Variants in HMCN1 observed in about 807,000 individuals in gnomAD.
The protein encoded by HMCN1 is hemicentin 1.
A neutral mutation model predicts 625.9 loss-of-function variants in HMCN1; 321 were observed. The observed-to-expected ratio is 0.51, with a 90% CI of 0.47 to 0.56. The LOEUF (loss-of-function observed/expected upper bound fraction) is 0.56, where lower values mean the gene tolerates loss of function less well. Among genes scored for constraint, HMCN1 ranks in the 20% least tolerant of loss-of-function variants. The pLI is 0.00. For missense variants in HMCN1, 6,588 were observed against 6,887.3 expected (o/e 0.96, Z 1.54); for synonymous variants, 2,425 against 2,417.6 (o/e 1.00, Z -0.09).
At chr1:185,855,049 C>G (rs1662382964) in intron 2 of HMCN1, among the ~76,000 whole-genome samples, 1 of 152,124 alleles carries the variant, frequency 6.6e-6, no homozygotes, top group Admixed American at 6.5e-5. Context: ...AGAGAAGGAT[C>G]ATAAGAGAGG....
intron 1 of HMCN1, among the ~76,000 whole-genome samples, chr1:185,783,724 A>G (rs888662765): frequency 7.9e-5 from 12 of 152,150 alleles, no homozygotes; most frequent in African/African-American, 2.9e-4. Flanking sequence ...TCAGAGGGGT[A>G]CCCGGCCATG....
intron 2 of HMCN1, among the ~76,000 whole-genome samples, chr1:185,863,896 A>G (rs1482254048): frequency 6.6e-6 from 1 of 152,196 alleles, no homozygotes; most frequent in East Asian, 1.9e-4. Context: ...TTGAAGGAGT[A>G]TGGAGACATG....
rs1224796749 is a variant in HMCN1 at position 185,997,538 on chromosome 1, A to G, written c.3874+14A>G. On this transcript the variant is annotated intron_variant, in intron 25 of 106. Transcript: ENST00000271588. ...GTCCTGCAAAAGGTACGTAATACTG[A>G]AAGATATAGGCATTGGCATAATGTT... The G allele has an allele frequency of 6.5e-7, 1 of 1,532,708 alleles. No individual in the cohort carries two copies. The highest frequency in any genetic ancestry group is 9.0e-7 in the Non-Finnish European group (1 of 1,106,530). The allele number at this position is 1,532,708 out of a possible 1,614,324, so 94.9% of individuals were successfully genotyped here.
intron 1 of HMCN1, among the ~76,000 whole-genome samples, chr1:185,843,964 A>G (rs1661649734): frequency 6.6e-6 from 1 of 152,138 alleles, no homozygotes; most frequent in South Asian, 2.1e-4. Context: ...TTTTATTACT[A>G]TAGGGAATGT....
chr1:186,070,494 A>G (rs1240681512), intron 51 of HMCN1, 118 bp from the exon 52 acceptor site: 12 of 866,256 alleles, frequency 1.4e-5, no homozygotes, highest in East Asian at 2.4e-5. Context: ...AAAGGTCAGC[A>G]TAGAATGCCT....
intron 14 of HMCN1, among the ~76,000 whole-genome samples, chr1:185,966,120 C>G (rs1022333368): frequency 2.0e-5 from 3 of 152,040 alleles, no homozygotes; most frequent in Non-Finnish European, 4.4e-5. Context: ...CTGTAAAAAT[C>G]AAAGCAGGAA....
At chr1:185,896,566 C>T (rs537948847) in intron 4 of HMCN1, among the ~76,000 whole-genome samples, 93 of 152,046 alleles carry the variant, frequency 6.1e-4, no homozygotes, top group African/African-American at 2.1e-3. Flanking sequence ...CATTTTAATA[C>T]AAAATTTGAA....
intron 1 of HMCN1, among the ~76,000 whole-genome samples, chr1:185,801,852 A>G (rs560240031): frequency 1.3e-5 from 2 of 152,326 alleles, no homozygotes; most frequent in South Asian, 2.1e-4. Flanking sequence ...ATTGTTGTCC[A>G]TGCTTAGGAG....
intron 102 of HMCN1, 80 bp downstream of exon 102, chr1:186,172,211 A>C: frequency 6.4e-7 from 1 of 1,555,496 alleles, no homozygotes; most frequent in East Asian, 2.3e-5. Context: ...AAAAGAAGTG[A>C]TTAGAGTAAA....
At position 186,032,691 on chromosome 1, in the gene HMCN1, G is replaced by A. The variant is rs1049286554; in HGVS notation, c.5750-5243G>A. 4.0e-5 allele frequency among the ~76,000 whole-genome samples: 6 copies of A among 151,846 alleles called. No individual in the cohort carries two copies. The South Asian group carries it at 1.0e-3, about 26-fold the overall frequency. The stretch of plus-strand genomic sequence containing the variant: ...TCCTTTATAAATTACCCAGTCTTGG[G>A]TATGTCTTTATTAGCAGCATGAGAA... On this transcript the variant is annotated intron_variant, in intron 36 of 106. Coordinates refer to ENST00000271588, the MANE Select transcript of HMCN1 (RefSeq NM_031935.3).
chr1:186,136,427 A>T (rs530849879), intron 86 of HMCN1, among the ~76,000 whole-genome samples: 84 of 152,088 alleles, frequency 5.5e-4, no homozygotes, highest in Non-Finnish European at 1.1e-3. Flanking sequence ...AGGAAACATG[A>T]CTCTAGAGCC....
Position 185,825,480 on chromosome 1 carries a change from T to C in HMCN1, c.269-20546T>C, listed in dbSNP as rs1571407670. Among the ~76,000 whole-genome samples, 5 of 152,266 alleles carry C rather than the reference T, an allele frequency of 3.3e-5. No homozygotes were observed. In the East Asian group the frequency reaches 9.6e-4, roughly 29 times the overall value. ...CTATTTGTAAATGTGTCTGAAATAT[T>C]GTGTGTCTGGAGTTTTCATAAATGT... On this transcript the variant is annotated intron_variant, in intron 1 of 106. Coordinates refer to ENST00000271588, the MANE Select transcript of HMCN1 (RefSeq NM_031935.3).
chr1:185,865,733 A>C lies in HMCN1; in HGVS notation c.499-8A>C. On this transcript the variant is annotated splice_polypyrimidine_tract_variant and splice_region_variant and intron_variant, in intron 3 of 106. Coordinates refer to ENST00000271588, the MANE Select transcript of HMCN1 (RefSeq NM_031935.3). ...TTACACTGTTTCTTTTTTTTTTTTT[A>C]ATCATAGGTCGTATTTGTTCTGACT... 1 of 1,562,854 alleles carries C rather than the reference A, an allele frequency of 6.4e-7. No homozygotes were observed. The highest frequency in any genetic ancestry group is 1.1e-5 in the South Asian group (1 of 87,588).
At chr1:185,931,743 A>T (rs572886088) in intron 10 of HMCN1, among the ~76,000 whole-genome samples, 1 of 152,296 alleles carries the variant, frequency 6.6e-6, no homozygotes, top group South Asian at 2.1e-4. Flanking sequence ...TTCTTCCTTC[A>T]TTAAGAAGTA....
chr1:186,078,012 G>T, intron 54 of HMCN1, 95 bp from the exon 55 acceptor site: 1 of 850,488 alleles, frequency 1.2e-6, no homozygotes, highest in Non-Finnish European at 2.0e-6. Flanking sequence ...GAAAGAAAAT[G>T]TAAGGCAGTC....
Position 185,909,355 on chromosome 1 carries a change from G to A in HMCN1, c.640G>A (p.Glu214Lys). ...QVNEVLKWVEEAVQASKVHLL... is the reference protein window; with the variant it reads ...QVNEVLKWVEKAVQASKVHLL... The stretch of plus-strand genomic sequence containing the variant: ...CTTATAGGTATTAAAATGGGTAGAA[G>A]AAGCAGTACAGGCCTCCAAAGTTCA... The change falls in exon 5 of 107, where the codon GAA (glutamate) becomes AAA (lysine). Residue 214 changes from glutamate (E) to lysine (K), a missense_variant. By Grantham distance (56) the Glu-to-Lys change is moderately conservative. This residue lies in a region of HMCN1 where 4,628 missense variants were observed against 4,853.1 expected (regional missense o/e 0.95). Transcript: ENST00000271588. 3 of 1,612,266 alleles carry A rather than the reference G, an allele frequency of 1.9e-6. No homozygotes were observed. Among genetic ancestry groups the A allele is most frequent in the Non-Finnish European group, 2.5e-6 (3 of 1,178,494 alleles).
chr1:186,158,793 A>C (rs932122726), intron 97 of HMCN1, among the ~76,000 whole-genome samples: 1 of 152,020 alleles, frequency 6.6e-6, no homozygotes, highest in Non-Finnish European at 1.5e-5. Context: ...CCATTGATCT[A>C]TATCTCTGTT....
intron 30 of HMCN1, among the ~76,000 whole-genome samples, chr1:186,013,081 CA>C (rs34601745): frequency 0.39 from 59,608 of 151,746 alleles, 12,680 homozygotes; most frequent in Non-Finnish European, 0.48. Flanking sequence ...ACTATGCCAC[CA>C]AAATTTACAG....
At chr1:186,149,641 G>A (rs1650550549) in intron 93 of HMCN1, among the ~76,000 whole-genome samples, 1 of 152,084 alleles carries the variant, frequency 6.6e-6, no homozygotes, top group Non-Finnish European at 1.5e-5. Flanking sequence ...CTAACTCTTT[G>A]ATGCAAGAGG....
Sources: allele counts gnomAD v4.1 joint callset (sites outside exome capture counted in the v4.1 genomes callset), GRCh38; gene constraint gnomAD v4.1.1; regional missense constraint gnomAD v4.1.1; transcripts MANE v1.5; gene names NCBI Gene and HGNC (gene_info 2026-07-23, HGNC 2026-07-21).